The following DTNA variants were observed in gnomAD, a reference collection of about 807,000 sequenced individuals.
The protein encoded by DTNA is dystrophin-related protein 3.
A neutral mutation model predicts 100.7 loss-of-function variants in DTNA; 43 were observed. The observed-to-expected ratio is 0.43, with a 90% CI of 0.33 to 0.55. The LOEUF (loss-of-function observed/expected upper bound fraction) is 0.55, where lower values mean the gene tolerates loss of function less well. Ranked by LOEUF, DTNA falls within the 20% of genes least tolerant of loss-of-function variation. The pLI, the probability that DTNA is intolerant of heterozygous loss-of-function variation, is 0.04. For missense variants in DTNA, 798 were observed against 953.9 expected, an observed-to-expected ratio of 0.84 and a Z score of 2.15; for synonymous variants, 349 against 347.9, an observed-to-expected ratio of 1.00 and a Z score of -0.04.
At chr18:34,601,625 A>G (rs2051851567) in intron 1 of DTNA, among the ~76,000 whole-genome samples, 1 of 152,232 alleles carries the variant, frequency 6.6e-6, no homozygotes, top group Non-Finnish European at 1.5e-5. Context: ...TATATCTGTG[A>G]ACAGGTCCAT....
At chr18:34,873,211 A>C (rs961233971) in intron 17 of DTNA, among the ~76,000 whole-genome samples, 1 of 152,208 alleles carries the variant, frequency 6.6e-6, no homozygotes, top group African/African-American at 2.4e-5. Context: ...TTATATTATT[A>C]TTGTGAACTT....
At chr18:34,505,109 G>T in intron 1 of DTNA, among the ~76,000 whole-genome samples, 1 of 152,284 alleles carries the variant, frequency 6.6e-6, no homozygotes, top group South Asian at 2.1e-4. Flanking sequence ...GTTTCACAGG[G>T]CTAACGTCAA....
chr18:34,890,565 T>G lies in DTNA; in HGVS notation c.*2831T>G. On this transcript the variant is annotated 3_prime_UTR_variant, in exon 23 of 23. Coordinates refer to ENST00000444659, the MANE Select transcript of DTNA (RefSeq NM_001386795.1). ...TCCATCAGAGCTGATAGCCTGTTAA[T>G]AAGCACTGGTCTAACACAGCCAACC... The G allele has an allele frequency of 7.1e-7, 1 of 1,418,234 alleles. No homozygotes were observed. The highest frequency in any genetic ancestry group is 9.4e-7 in the Non-Finnish European group (1 of 1,058,542). 87.9% of individuals were successfully genotyped at this position (1,418,234 alleles called of 1,614,324 possible).
At chr18:34,866,375 C>A in intron 17 of DTNA, 13 of 1,388,160 alleles carry the variant, frequency 9.4e-6, no homozygotes, top group Non-Finnish European at 1.0e-5. Flanking sequence ...GAAAAGGGAA[C>A]GAATTGTCAT....
rs74350255 is a variant in DTNA at position 34,834,016 on chromosome 18, A to C, written c.1176-4078A>C. 5.8e-3 allele frequency among the ~76,000 whole-genome samples: 881 copies of C among 152,334 alleles called. 10 individuals carry two copies. The highest frequency in any genetic ancestry group is 0.02 in the African/African-American group (850 of 41,570). ...TACCTGATCCCAAATCCCACAAAGA[A>C]TTAGAAACTTAATTTCTCCATGCAA... On this transcript the variant is annotated intron_variant, in intron 11 of 22. Transcript: ENST00000444659.
intron 1 of DTNA, among the ~76,000 whole-genome samples, chr18:34,559,638 C>A (rs182036074): frequency 4.7e-4 from 72 of 152,250 alleles, no homozygotes; most frequent in African/African-American, 1.7e-3. Flanking sequence ...TAATGAAGAG[C>A]TTTAAATCTA....
chr18:34,706,139 G>T (rs1418172410), upstream of DTNA, among the ~76,000 whole-genome samples: 6 of 152,172 alleles, frequency 3.9e-5, no homozygotes, highest in South Asian at 6.2e-4. Flanking sequence ...GCAGAGACGG[G>T]GTTCTTCCAT....
At chr18:34,744,620 A>G (rs943425496) in intron 1 of DTNA, among the ~76,000 whole-genome samples, 1 of 152,282 alleles carries the variant, frequency 6.6e-6, no homozygotes, top group East Asian at 1.9e-4. Context: ...TAAGATGGAA[A>G]GAAGAAGAGA....
chr18:34,511,276 A>C (rs918924324), intron 1 of DTNA, among the ~76,000 whole-genome samples: 5 of 152,266 alleles, frequency 3.3e-5, no homozygotes, highest in African/African-American at 1.2e-4. Context: ...TATATACTTA[A>C]GACCCATCTG....
At chr18:34,808,344 T>C (rs2095414583) in intron 5 of DTNA, among the ~76,000 whole-genome samples, 1 of 152,174 alleles carries the variant, frequency 6.6e-6, no homozygotes, top group African/African-American at 2.4e-5. Flanking sequence ...GAGGTGACAG[T>C]CACAGGAGTC....
chr18:34,823,810 C>T (rs1248187128), intron 9 of DTNA, among the ~76,000 whole-genome samples: 1 of 152,038 alleles, frequency 6.6e-6, no homozygotes, highest in Non-Finnish European at 1.5e-5. Flanking sequence ...TCAGTTACAC[C>T]CATAGATAAG....
At chr18:34,699,228 C>T (rs555528438) in intron 1 of DTNA, among the ~76,000 whole-genome samples, 32 of 151,946 alleles carry the variant, frequency 2.1e-4, no homozygotes, top group Admixed American at 4.6e-4. Context: ...ATTATGGAGG[C>T]TGAGAAGTCT....
intron 1 of DTNA, among the ~76,000 whole-genome samples, chr18:34,589,607 TCAAAA>T (rs917248446): frequency 1.3e-5 from 2 of 152,026 alleles, no homozygotes; most frequent in African/African-American, 4.8e-5. Context: ...AGACTCTGTC[TCAAAA>T]CAAAACAAAA....
intron 1 of DTNA, among the ~76,000 whole-genome samples, chr18:34,712,873 A>T (rs1343120145): frequency 6.6e-6 from 1 of 152,160 alleles, no homozygotes; most frequent in East Asian, 1.9e-4. Context: ...AACATGTTAA[A>T]AAACAACCAT....
At position 34,697,095 on chromosome 18, in the gene DTNA, A is replaced by G. The variant is rs187632774; in HGVS notation, c.-1-58881A>G. ...CTAGCCCAACGTATCAATAGTGCCA[A>G]TGCTGAGAAATTCTTCTAAAAAGTA... On this transcript the variant is annotated intron_variant, in intron 1 of 19. Coordinates refer to the DTNA transcript ENST00000283365. Among the ~76,000 whole-genome samples, 259 of 151,954 alleles carry G rather than the reference A, an allele frequency of 1.7e-3. 2 individuals carry two copies. The highest frequency in any genetic ancestry group is 6.1e-3 in the African/African-American group (250 of 41,206).
intron 1 of DTNA, among the ~76,000 whole-genome samples, chr18:34,571,757 C>T (rs1275488246): frequency 1.3e-5 from 2 of 152,122 alleles, no homozygotes; most frequent in Non-Finnish European, 2.9e-5. Flanking sequence ...CTGCTCAGGG[C>T]CGTTCTGCCA....
At chr18:34,847,299 C>A (rs2149849916) in intron 13 of DTNA, among the ~76,000 whole-genome samples, 1 of 152,142 alleles carries the variant, frequency 6.6e-6, no homozygotes, top group East Asian at 1.9e-4. Context: ...TAAAAAATTC[C>A]ATTAAGGTCA....
chr18:34,858,772 G>A (rs1032744637), intron 16 of DTNA, among the ~76,000 whole-genome samples: 19 of 152,048 alleles, frequency 1.2e-4, no homozygotes, highest in African/African-American at 3.6e-4. Context: ...CACCACACCT[G>A]GCTAATTTTT....
chr18:34,713,564 T>C (rs917149744), intron 1 of DTNA, among the ~76,000 whole-genome samples: 1 of 151,614 alleles, frequency 6.6e-6, no homozygotes, highest in Non-Finnish European at 1.5e-5. Flanking sequence ...AGTCAGGTAG[T>C]GTGATGCCTC....
Sources: allele counts gnomAD v4.1 joint callset (sites outside exome capture counted in the v4.1 genomes callset), GRCh38; gene constraint gnomAD v4.1.1; transcripts MANE v1.5; gene names NCBI Gene and HGNC (gene_info 2026-07-23, HGNC 2026-07-21).